RACGAP1: variants seen among roughly 807,000 people sequenced by gnomAD.
RACGAP1 encodes rac GTPase-activating protein 1.
Under a neutral mutation model 78.1 loss-of-function variants are expected in RACGAP1, and 30 were observed. The ratio of observed to expected loss-of-function variants is 0.38; its 90% CI spans 0.29 to 0.52. The LOEUF (loss-of-function observed/expected upper bound fraction) is 0.52. Ranked by LOEUF, RACGAP1 falls within the 20% of genes least tolerant of loss-of-function variation. RACGAP1 has a pLI of 0.82. For missense variants in RACGAP1, 587 were observed against 777.1 expected (o/e 0.76, Z 2.91); for synonymous variants, 231 against 264.8 (o/e 0.87, Z 1.24).
At chr12:50,023,955 A>C (rs994343328) in intron 1 of RACGAP1, among the ~76,000 whole-genome samples, 1 of 152,058 alleles carries the variant, frequency 6.6e-6, no homozygotes, top group Non-Finnish European at 1.5e-5. Context: ...AGGTCAGTAG[A>C]TCAAGACCAT....
At chr12:49,992,174 G>A (rs747308793) in intron 14 of RACGAP1, 41 bp from the exon 15 acceptor site, 33 of 1,612,640 alleles carry the variant, frequency 2.0e-5, no homozygotes, top group Non-Finnish European at 4.2e-6. Flanking sequence ...CCAAAGCTCA[G>A]GGCTTCTCAA....
chr12:49,999,512 C>T (rs2137341489), intron 8 of RACGAP1, 104 bp downstream of exon 8: 2 of 1,089,066 alleles, frequency 1.8e-6, no homozygotes, highest in East Asian at 2.4e-5. Flanking sequence ...TAAGAAACTA[C>T]CCAATACATC....
chr12:50,027,371 G>A (rs894717693), upstream of RACGAP1, among the ~76,000 whole-genome samples: 1 of 152,154 alleles, frequency 6.6e-6, no homozygotes, highest in African/African-American at 2.4e-5. Flanking sequence ...AGACAAGGAA[G>A]CAATTAATCC....
intron 2 of RACGAP1, among the ~76,000 whole-genome samples, chr12:50,007,292 C>T (rs1177707303): frequency 1.3e-5 from 2 of 151,562 alleles, no homozygotes; most frequent in Non-Finnish European, 2.9e-5. Context: ...TTTGGAACAT[C>T]CCTGATAGCA....
intron 10 of RACGAP1, among the ~76,000 whole-genome samples, chr12:49,996,805 G>GA (rs1296452544): frequency 6.6e-6 from 1 of 151,550 alleles, no homozygotes; most frequent in Non-Finnish European, 1.5e-5. Context: ...GAGGCAAGGA[G>GA]AAGCAGGGAA....
intron 2 of RACGAP1, among the ~76,000 whole-genome samples, chr12:50,031,505 A>G (rs1287864476): frequency 2.9e-5 from 4 of 135,672 alleles, no homozygotes; most frequent in Non-Finnish European, 6.4e-5. Context: ...AAAAAAGACC[A>G]AAATCCTTTA....
chr12:50,022,779 GAAC>G (rs989911273), intron 1 of RACGAP1, among the ~76,000 whole-genome samples: 1 of 152,092 alleles, frequency 6.6e-6, no homozygotes, highest in Non-Finnish European at 1.5e-5. Context: ...AAGAGTTGAT[GAAC>G]AACTATTTAA....
intron 1 of RACGAP1, among the ~76,000 whole-genome samples, chr12:50,019,525 T>C (rs931542904): frequency 6.6e-6 from 1 of 151,944 alleles, no homozygotes; most frequent in Non-Finnish European, 1.5e-5. Flanking sequence ...TGTAATATAG[T>C]TTAAAGCAAA....
chr12:50,007,408 T>C (rs1949037735), intron 2 of RACGAP1, among the ~76,000 whole-genome samples: 1 of 152,222 alleles, frequency 6.6e-6, no homozygotes, highest in Non-Finnish European at 1.5e-5. Flanking sequence ...CTCCTGCTAT[T>C]GGCAAAGCTG....
intron 2 of RACGAP1, among the ~76,000 whole-genome samples, chr12:50,013,028 A>G (rs11169252): frequency 0.042 from 6,404 of 152,014 alleles, 420 homozygotes; most frequent in African/African-American, 0.14. Flanking sequence ...GCGCCATCGC[A>G]CTCCAGCCTG....
Position 50,025,420 on chromosome 12 carries a change from G to T in RACGAP1, c.-27C>A. The T allele has an allele frequency of 1.0e-6, 1 of 985,702 alleles. No homozygotes were observed. The highest frequency in any genetic ancestry group is 1.2e-6 in the Non-Finnish European group (1 of 830,170). The allele number at this position is 985,702 out of a possible 1,614,324, so 61.1% of individuals were successfully genotyped here. On this transcript the variant is annotated 5_prime_UTR_variant, in exon 1 of 17. Coordinates refer to ENST00000312377, the MANE Select transcript of RACGAP1 (RefSeq NM_001319999.2). ...CACTTCAGTCAGCCTGGCCCCACCT[G>T]GGCCACCCTTCACTTCGCTCCGCGC... is the stretch of plus-strand genomic sequence containing the variant.
intron 2 of RACGAP1, among the ~76,000 whole-genome samples, chr12:50,015,945 A>C (rs1216643571): frequency 1.3e-5 from 2 of 151,912 alleles, no homozygotes; most frequent in Non-Finnish European, 2.9e-5. Flanking sequence ...CTTCAACTGA[A>C]AATGCTTTAT....
intron 1 of RACGAP1, among the ~76,000 whole-genome samples, chr12:50,021,406 C>G (rs1950001402): frequency 6.6e-6 from 1 of 152,194 alleles, no homozygotes; most frequent in Non-Finnish European, 1.5e-5. Context: ...CAGTATGTTA[C>G]AGATTCCCAA....
chr12:49,996,361 G>A (rs1330602563), intron 10 of RACGAP1, among the ~76,000 whole-genome samples: 1 of 151,246 alleles, frequency 6.6e-6, no homozygotes, highest in Non-Finnish European at 1.5e-5. Context: ...AGGCGCGGTG[G>A]CTCACGCCTG....
At position 49,992,393 on chromosome 12, in the gene RACGAP1, T is replaced by C. The variant is rs1947953163; in HGVS notation, c.1446-16A>G. On this transcript the variant is annotated splice_polypyrimidine_tract_variant and intron_variant, in intron 13 of 16. Coordinates refer to ENST00000312377, the MANE Select transcript of RACGAP1 (RefSeq NM_001319999.2). ...CTGAGCCACTCTAAGCAAAAGAATA[T>C]TAAATTAGAAGTCTTGCTCCTTGCT... 1 of 1,611,712 alleles carries C rather than the reference T, an allele frequency of 6.2e-7. No individual in the cohort carries two copies. Among genetic ancestry groups the C allele is most frequent in the Middle Eastern group, 1.7e-4 (1 of 6,046 alleles).
At chr12:49,997,700 C>T (rs905806271) in intron 9 of RACGAP1, among the ~76,000 whole-genome samples, 3 of 152,132 alleles carry the variant, frequency 2.0e-5, no homozygotes, top group Non-Finnish European at 2.9e-5. Flanking sequence ...GCCTCAGCCT[C>T]CCAAGTAGCT....
In RACGAP1 at chr12:49,999,627, C is replaced by G. The variant is rs879224312; in HGVS notation, c.737G>C (p.Arg246Pro). Residue 246 changes from arginine (R) to proline (P), a missense_variant, in exon 8 of 17, where the codon CGA becomes CCA. Arg to Pro is a moderately radical substitution (Grantham distance 103). Transcript: ENST00000312377. The part of the protein sequence containing the change: ...IETVPYWTRS[R>P]RKTGTLQPWN... The stretch of plus-strand genomic sequence containing the variant: ...CAAATTCAATGGACCTGTTTTCCTT[C>G]GGCTCCTGGTCCAATATGGCACAGT... 6.2e-7 allele frequency: 1 copy of G among 1,613,380 alleles called. No homozygotes were observed. Among genetic ancestry groups the G allele is most frequent in the South Asian group, 1.1e-5 (1 of 91,052 alleles).
At chr12:50,012,299 G>A (rs1399436017) in intron 2 of RACGAP1, among the ~76,000 whole-genome samples, 6 of 151,654 alleles carry the variant, frequency 4.0e-5, no homozygotes, top group East Asian at 2.0e-4. Flanking sequence ...GGTGGCTCAC[G>A]CCTGTAATCC....
At chr12:50,011,493 G>A (rs1380105643) in intron 2 of RACGAP1, among the ~76,000 whole-genome samples, 8 of 151,834 alleles carry the variant, frequency 5.3e-5, no homozygotes, top group Non-Finnish European at 7.4e-5. Context: ...TTGGGAGGCC[G>A]AGGTGGGAGG....
Sources: allele counts gnomAD v4.1 joint callset (sites outside exome capture counted in the v4.1 genomes callset), GRCh38; gene constraint gnomAD v4.1.1; transcripts MANE v1.5; gene names NCBI Gene and HGNC (gene_info 2026-07-23, HGNC 2026-07-21).